GALNTL6: variants seen among roughly 807,000 people sequenced by gnomAD.
GALNTL6 encodes polypeptide N-acetylgalactosaminyltransferase-like 6.
A neutral mutation model predicts 73.7 loss-of-function variants in GALNTL6; 46 were observed. The ratio of observed to expected loss-of-function variants is 0.62; its 90% CI spans 0.49 to 0.80. The LOEUF (loss-of-function observed/expected upper bound fraction) is 0.80, where lower values mean the gene tolerates loss of function less well. GALNTL6 is among the 30% of genes least tolerant of loss of function. The pLI, the probability that GALNTL6 is intolerant of heterozygous loss-of-function variation, is 0.00. For missense variants in GALNTL6, 604 were observed against 755.0 expected (o/e 0.80, Z 2.34); for synonymous variants, 259 against 263.7 (o/e 0.98, Z 0.17).
intron 2 of GALNTL6, among the ~76,000 whole-genome samples, chr4:172,020,874 C>T (rs1173074766): frequency 6.6e-6 from 1 of 151,894 alleles, no homozygotes; most frequent in Admixed American, 6.6e-5. Context: ...AGGCCAACAC[C>T]CTGATAAATA....
In GALNTL6 at chr4:172,439,904, C is replaced by T. The variant is rs550721176; in HGVS notation, c.553+91215C>T. Among the ~76,000 whole-genome samples, 30 of 152,150 alleles carry T rather than the reference C, an allele frequency of 2.0e-4. No homozygotes were observed. The East Asian group carries it at 4.3e-3, about 22-fold the overall frequency. ...AGAGTGGAACATTTGCTAAAATTCA[C>T]GAACCTACATTGGCAAATCATAATC... is the stretch of plus-strand genomic sequence containing the variant. On this transcript the variant is annotated intron_variant, in intron 5 of 12. Transcript: ENST00000506823.
At chr4:171,877,787 C>G (rs892569683) in intron 2 of GALNTL6, among the ~76,000 whole-genome samples, 1 of 152,170 alleles carries the variant, frequency 6.6e-6, no homozygotes, top group Non-Finnish European at 1.5e-5. Flanking sequence ...TCAGGCAGAA[C>G]TAATTTTAAA....
chr4:172,405,259 A>T (rs1208857684), intron 5 of GALNTL6, among the ~76,000 whole-genome samples: 3 of 150,968 alleles, frequency 2.0e-5, no homozygotes, highest in Non-Finnish European at 4.4e-5. Flanking sequence ...ATCCACATGG[A>T]ATCTATGACT....
intron 2 of GALNTL6, among the ~76,000 whole-genome samples, chr4:171,961,109 C>G (rs1739206753): frequency 6.6e-6 from 1 of 152,070 alleles, no homozygotes; most frequent in Admixed American, 6.6e-5. Flanking sequence ...TGAGGATACC[C>G]CTGGCACAAA....
chr4:172,918,202 A>G (rs1262352884), intron 8 of GALNTL6, among the ~76,000 whole-genome samples: 3 of 152,106 alleles, frequency 2.0e-5, no homozygotes, highest in Admixed American at 6.6e-5. Flanking sequence ...GAACACTTGG[A>G]CACAGAGTGG....
intron 5 of GALNTL6, among the ~76,000 whole-genome samples, chr4:172,438,773 C>G (rs1731728221): frequency 6.6e-6 from 1 of 151,954 alleles, no homozygotes; most frequent in African/African-American, 2.4e-5. Context: ...TTCTCCTTTA[C>G]CTCTACATTA....
chr4:171,893,037 GA>G (rs367858339), intron 2 of GALNTL6, among the ~76,000 whole-genome samples: 2,177 of 150,268 alleles, frequency 0.014, 47 homozygotes, highest in African/African-American at 0.05. Flanking sequence ...TTTAGTGAAT[GA>G]AAAAAAAATG....
chr4:171,903,616 G>A (rs1361686949), intron 2 of GALNTL6, among the ~76,000 whole-genome samples: 1 of 134,728 alleles, frequency 7.4e-6, no homozygotes, highest in African/African-American at 3.3e-5. Flanking sequence ...AAGCAGCCCT[G>A]AAGCTCAAAC....
At chr4:171,816,388 C>T (rs1391384258) in intron 2 of GALNTL6, 1 of 151,780 alleles carries the variant, frequency 6.6e-6, no homozygotes, top group Non-Finnish European at 1.5e-5. Flanking sequence ...CAGTTTAACT[C>T]TCTGATCTGT....
At chr4:172,123,261 G>C (rs1733200591) in intron 2 of GALNTL6, among the ~76,000 whole-genome samples, 1 of 152,062 alleles carries the variant, frequency 6.6e-6, no homozygotes, top group African/African-American at 2.4e-5. Flanking sequence ...TTTCTAAAGA[G>C]ACAGCAAAAT....
chr4:172,879,215 T>C (rs1356807656), intron 7 of GALNTL6, among the ~76,000 whole-genome samples: 1 of 151,798 alleles, frequency 6.6e-6, no homozygotes, highest in South Asian at 2.1e-4. Context: ...AATTGATACA[T>C]CAAGGAGACA....
At chr4:171,993,745 G>A (rs1470673536) in intron 2 of GALNTL6, among the ~76,000 whole-genome samples, 1 of 151,466 alleles carries the variant, frequency 6.6e-6, no homozygotes, top group East Asian at 1.9e-4. Flanking sequence ...ATGAAAGAAG[G>A]CAAAAAGGAG....
At chr4:172,991,980 T>G (rs1372156415) in intron 10 of GALNTL6, among the ~76,000 whole-genome samples, 1 of 152,242 alleles carries the variant, frequency 6.6e-6, no homozygotes, top group African/African-American at 2.4e-5. Context: ...AAGATGAATC[T>G]ATCATAAACC....
intron 8 of GALNTL6, among the ~76,000 whole-genome samples, chr4:172,928,666 G>C (rs989122594): frequency 6.6e-6 from 1 of 152,008 alleles, no homozygotes; most frequent in African/African-American, 2.4e-5. Context: ...AATTAATCCT[G>C]GTTCTATCTC....
intron 7 of GALNTL6, among the ~76,000 whole-genome samples, chr4:172,832,865 G>T (rs1742711467): frequency 6.6e-6 from 1 of 152,170 alleles, no homozygotes; most frequent in Non-Finnish European, 1.5e-5. Flanking sequence ...GTGGCCACAG[G>T]TGGTGCTTGT....
intron 5 of GALNTL6, among the ~76,000 whole-genome samples, chr4:172,636,836 C>T (rs1330730309): frequency 6.6e-6 from 1 of 152,122 alleles, no homozygotes. Context: ...AACACAACTT[C>T]TATTTATCCT....
chr4:173,014,473 G>A (rs893185038), intron 11 of GALNTL6, among the ~76,000 whole-genome samples: 2 of 152,164 alleles, frequency 1.3e-5, no homozygotes, highest in Non-Finnish European at 2.9e-5. Context: ...TCGTCCTCCC[G>A]AGGAAGCAAA....
intron 9 of GALNTL6, among the ~76,000 whole-genome samples, chr4:172,939,131 G>GA (rs1554004658): frequency 1.4e-5 from 2 of 147,130 alleles, no homozygotes; most frequent in African/African-American, 5.0e-5. Context: ...CTTTAAAAAA[G>GA]TTTTTTTTTT....
chr4:172,947,705 A>G (rs1561049945), intron 9 of GALNTL6, among the ~76,000 whole-genome samples: 1 of 152,100 alleles, frequency 6.6e-6, no homozygotes, highest in Non-Finnish European at 1.5e-5. Context: ...TGTTATTGGA[A>G]TGTTTCCATT....
Sources: allele counts gnomAD v4.1 joint callset (sites outside exome capture counted in the v4.1 genomes callset), GRCh38; gene constraint gnomAD v4.1.1; transcripts MANE v1.5; gene names NCBI Gene and HGNC (gene_info 2026-07-23, HGNC 2026-07-21).